Variants in MAPT observed in about 807,000 individuals in gnomAD.
MAPT encodes microtubule associated protein tau.
In MAPT, 34 loss-of-function variants were observed where a neutral mutation model predicts 67.9. The observed-to-expected ratio is 0.50, with a 90% CI of 0.38 to 0.67. The LOEUF (loss-of-function observed/expected upper bound fraction) is 0.67. MAPT is among the 30% of genes least tolerant of loss of function. The pLI is 0.00. For missense variants in MAPT, 881 were observed against 1,115.2 expected (o/e 0.79, Z 2.99); for synonymous variants, 456 against 464.5 (o/e 0.98, Z 0.23).
intron 1 of MAPT, among the ~76,000 whole-genome samples, chr17:45,933,232 ACT>A (rs1333982979): frequency 2.8e-5 from 4 of 142,824 alleles, no homozygotes; most frequent in Non-Finnish European, 6.0e-5. Flanking sequence ...CTGTTTTTGA[ACT>A]CTCTCTCTCC....
rs377718638 is a variant in MAPT at position 45,971,974 on chromosome 17, T to C, written c.220+29T>C. ...GGCCCCCCTTCAGACGCCCCCTCCA[T>C]GCCTCCAGCCTGTGCTTAGCCGTGC... On this transcript the variant is annotated intron_variant, in intron 3 of 12. Transcript: ENST00000262410. This position sits in a 1 kb window ranked among gnomAD's most constrained non-coding sequence, Gnocchi z 4.3. 2.4e-5 allele frequency: 38 copies of C among 1,560,762 alleles called. No individual in the cohort carries two copies. The African/African-American group carries it at 4.1e-4, about 17-fold the overall frequency.
intron 2 of MAPT, among the ~76,000 whole-genome samples, chr17:45,965,165 C>G (rs1054860936): frequency 2.1e-4 from 32 of 152,042 alleles, no homozygotes; most frequent in Non-Finnish European, 4.6e-4. Flanking sequence ...GGCGCGGTGG[C>G]TCACACCTGT....
chr17:45,976,034 C>T (rs543868285), intron 3 of MAPT: 4 of 152,416 alleles, frequency 2.6e-5, no homozygotes, highest in Admixed American at 1.3e-4. Context: ...TCCTCGGCCC[C>T]GTGGGAGTCT....
intron 8 of MAPT, among the ~76,000 whole-genome samples, chr17:45,993,556 G>A (rs1167720434): frequency 6.6e-6 from 1 of 152,214 alleles, no homozygotes; most frequent in East Asian, 1.9e-4. Context: ...TGGGACTACA[G>A]GCACAGGCCA....
intron 11 of MAPT, among the ~76,000 whole-genome samples, chr17:46,016,186 G>A (rs1056043766): frequency 2.0e-5 from 3 of 152,180 alleles, no homozygotes; most frequent in Admixed American, 2.0e-4. Flanking sequence ...GAGGTCAGGA[G>A]TTGGAGATCA....
intron 3 of MAPT, chr17:45,974,818 C>G (rs966753948): frequency 2.9e-6 from 1 of 347,230 alleles, no homozygotes; most frequent in African/African-American, 2.1e-5. Flanking sequence ...TCAGTCCACC[C>G]TCCTGCTCAG....
At chr17:45,984,921 A>G (rs2073384321) in intron 5 of MAPT, among the ~76,000 whole-genome samples, 1 of 152,240 alleles carries the variant, frequency 6.6e-6, no homozygotes, top group African/African-American at 2.4e-5. Flanking sequence ...ATGTTACTGA[A>G]GCTCACAGTT....
rs1275120353 is a variant in MAPT at position 46,024,348 on chromosome 17, A to T, written c.*177A>T. ...GGCTTTGGCTCGGGACTTCAAAATCAGTGATGGGAGTAAGAGCAAATTTCA... is the reference window on the plus strand; with the variant it reads ...GGCTTTGGCTCGGGACTTCAAAATCTGTGATGGGAGTAAGAGCAAATTTCA... On this transcript the variant is annotated 3_prime_UTR_variant, in exon 13 of 13. Transcript: ENST00000262410. The T allele has an allele frequency of 1.5e-6, 1 of 645,260 alleles. No individual in the cohort carries two copies. Among genetic ancestry groups the T allele is most frequent in the Non-Finnish European group, 2.8e-6 (1 of 357,972 alleles). The allele number at this position is 645,260 out of a possible 1,614,324, so 40.0% of individuals were successfully genotyped here. A position where few individuals can be genotyped will look rare whatever the true frequency, so the allele number is the denominator to read the frequency against.
intron 9 of MAPT, among the ~76,000 whole-genome samples, chr17:46,005,471 ATCGT>A (rs1192514429): frequency 6.6e-6 from 1 of 152,238 alleles, no homozygotes; most frequent in Admixed American, 6.5e-5. Flanking sequence ...ATAAAAAATG[ATCGT>A]CAAGCCTACA....
At position 45,983,935 on chromosome 17, in the gene MAPT, G is replaced by C. The variant is rs1211967572; in HGVS notation, c.1351+5G>C. 12 of 1,551,442 alleles carry C rather than the reference G, an allele frequency of 7.7e-6. No homozygotes were observed. The highest frequency in any genetic ancestry group is 1.4e-5 in the African/African-American group (1 of 72,170). ...GCCGGGTCCCTCAACTCAAAGGTCT[G>C]TGTCTTGAGCTTCTTCGCTCCTTCC... On this transcript the variant is annotated splice_donor_5th_base_variant and intron_variant, in intron 5 of 12. Transcript: ENST00000262410.
At position 45,995,112 on chromosome 17, in the gene MAPT, C is replaced by A. The variant is rs2145814778; in HGVS notation, c.1733-1287C>A. Reference sequence around the variant, plus strand: ...AAACTAGTGCTTATTCGTCACTGGCCAAGCTGCCCATTGGCTACATGGGTG... The same window carrying A: ...AAACTAGTGCTTATTCGTCACTGGCAAAGCTGCCCATTGGCTACATGGGTG... On this transcript the variant is annotated intron_variant, in intron 8 of 12. Coordinates refer to ENST00000262410, the MANE Select transcript of MAPT (RefSeq NM_001377265.1). The surrounding 1 kb of genome is among the most constrained non-coding windows in gnomAD (Gnocchi z 4.3). Among the ~76,000 whole-genome samples, 1 of 152,256 alleles carries A rather than the reference C, an allele frequency of 6.6e-6. No homozygotes were observed. Among genetic ancestry groups the A allele is most frequent in the Admixed American group, 6.5e-5 (1 of 15,288 alleles).
intron 1 of MAPT, among the ~76,000 whole-genome samples, chr17:45,913,173 G>T (rs549697836): frequency 1.3e-5 from 2 of 152,326 alleles, no homozygotes; most frequent in South Asian, 4.1e-4. Context: ...AGTGGCTGGG[G>T]AAGCCTCACA....
At chr17:45,998,551 C>T (rs1377777518) in intron 9 of MAPT, among the ~76,000 whole-genome samples, 3 of 152,188 alleles carry the variant, frequency 2.0e-5, no homozygotes, top group Admixed American at 6.5e-5. Context: ...CAGAATCTCC[C>T]TCCTGATGGC....
At chr17:45,941,705 GCCTTCCTTCCTTCCTT>G (rs1201409768) in intron 1 of MAPT, among the ~76,000 whole-genome samples, 6 of 25,612 alleles carry the variant, frequency 2.3e-4, no homozygotes, top group East Asian at 1.9e-3. Flanking sequence ...CTTCCTGCCT[GCCTTCCTTCCTTCCTT>G]CCTTCCTTCC....
intron 1 of MAPT, among the ~76,000 whole-genome samples, chr17:45,924,581 G>T (rs1473125041): frequency 6.6e-6 from 1 of 152,136 alleles, no homozygotes; most frequent in Admixed American, 6.5e-5. Context: ...CCCTGACCAC[G>T]CAGCCCCTGT....
intron 1 of MAPT, among the ~76,000 whole-genome samples, chr17:45,950,576 C>A (rs1329826316): frequency 2.0e-5 from 3 of 152,156 alleles, no homozygotes. Flanking sequence ...CCTTCTCCCT[C>A]CACCCCATCT....
Position 45,978,429 on chromosome 17 carries a change from A to G in MAPT, c.275A>G (p.His92Arg), listed in dbSNP as rs2072606381. Reference sequence around the variant, plus strand: ...AGCCTGGAAGACGAAGCTGCTGGTCACGTGACCCAAGGTCAGTGAACTGGA... The same window carrying G: ...AGCCTGGAAGACGAAGCTGCTGGTCGCGTGACCCAAGGTCAGTGAACTGGA... ...TPSLEDEAAG[H>R]VTQEELRVPG... The change falls in exon 4 of 13, where the codon CAC (histidine) becomes CGC (arginine). Residue 92 changes from histidine (H) to arginine (R), a missense_variant. His to Arg is a conservative substitution (Grantham distance 29). This residue lies in a region of MAPT where 687 missense variants were observed against 766.1 expected (regional missense o/e 0.90). Coordinates refer to ENST00000262410, the MANE Select transcript of MAPT (RefSeq NM_001377265.1). 6.2e-7 allele frequency: 1 copy of G among 1,606,516 alleles called. No individual in the cohort carries two copies. Among genetic ancestry groups the G allele is most frequent in the Admixed American group, 1.7e-5 (1 of 59,752 alleles).
intron 2 of MAPT, among the ~76,000 whole-genome samples, chr17:45,969,500 A>G (rs1311357960): frequency 6.6e-6 from 1 of 151,504 alleles, no homozygotes; most frequent in African/African-American, 2.4e-5. Flanking sequence ...CCAATTATAC[A>G]TACATCCAAT....
Position 46,018,660 on chromosome 17 carries a change from AGGACAGAGTCCAGTCGAAG to A in MAPT, c.2217_2235del (p.Asp740LeufsTer23), listed in dbSNP as rs778781566. On this transcript the variant is annotated frameshift_variant, in exon 12 of 13. Coordinates refer to ENST00000262410, the MANE Select transcript of MAPT (RefSeq NM_001377265.1). LOFTEE classifies it high-confidence loss of function. Reference sequence around the variant, plus strand: ...GTAAAATCTGAGAAGCTTGACTTCAAGGACAGAGTCCAGTCGAAGATTGGGTCCCTGGACAATATCACCC... The same window carrying A: ...GTAAAATCTGAGAAGCTTGACTTCAAATTGGGTCCCTGGACAATATCACCC... The A allele has an allele frequency of 6.2e-7, 1 of 1,614,126 alleles. No individual in the cohort carries two copies. The highest frequency in any genetic ancestry group is 8.5e-7 in the Non-Finnish European group (1 of 1,180,034).
Sources: gnomAD v4.1 joint callset for allele counts (sites outside exome capture counted in the v4.1 genomes callset) on GRCh38, gnomAD v4.1.1 for gene constraint, gnomAD v4.1.1 regional missense constraint, Gnocchi (gnomAD v3.1) non-coding constraint, MANE v1.5 for transcripts, NCBI Gene and HGNC (gene_info 2026-07-23, HGNC 2026-07-21) for gene names.